Variants in RXFP2 observed in about 807,000 individuals in gnomAD.
RXFP2 encodes the protein relaxin family peptide receptor 2.
In RXFP2, 68 loss-of-function variants were observed where a neutral mutation model predicts 88.6. The observed-to-expected ratio is 0.77, with a 90% CI of 0.63 to 0.94. The LOEUF (loss-of-function observed/expected upper bound fraction) is 0.94. RXFP2 is among the 40% of genes least tolerant of loss of function. The pLI, the probability that RXFP2 is intolerant of heterozygous loss-of-function variation, is 0.00. For missense variants in RXFP2, 791 were observed against 893.9 expected, an observed-to-expected ratio of 0.88 and a Z score of 1.47; for synonymous variants, 329 against 306.8, an observed-to-expected ratio of 1.07 and a Z score of -0.76.
intron 3 of RXFP2, among the ~76,000 whole-genome samples, chr13:31,762,929 T>C (rs1425003881): frequency 6.6e-6 from 1 of 152,146 alleles, no homozygotes; most frequent in Non-Finnish European, 1.5e-5. Context: ...ATTTGTTCTA[T>C]ATTTCTTTCA....
chr13:31,797,203 G>A lies in RXFP2; in HGVS notation c.1789G>A (p.Val597Met), dbSNP rs765195091. 1.9e-6 allele frequency: 3 copies of A among 1,608,200 alleles called. No homozygotes were observed. The highest frequency in any genetic ancestry group is 1.7e-5 in the Admixed American group (1 of 60,014). ...TAAAAGTGTGCTTTTCCCAACAGGT[G>A]TGAACTTGCTGGCTTTTCTCATCAT... ...KGYSLGIFLG[V>M]NLLAFLIIVF... The change falls in exon 17 of 18, where the codon GTG becomes ATG. Residue 597 changes from valine (V) to methionine (M), a missense_variant and splice_region_variant. Coordinates refer to ENST00000298386, the MANE Select transcript of RXFP2 (RefSeq NM_130806.5).
At chr13:31,784,480 T>G (rs374549191) in intron 11 of RXFP2, among the ~76,000 whole-genome samples, 2 of 151,662 alleles carry the variant, frequency 1.3e-5, no homozygotes, top group African/African-American at 4.8e-5. Context: ...TCCAAAAGAG[T>G]GTGCTTTATT....
rs1056894797 is a variant in RXFP2 at position 31,739,545 on chromosome 13, A to G, written c.-68A>G. ...ATGCTCAGAACATGGGAGGCACTGA[A>G]CTTACTACATCAGAACTCCTGCTGA... On this transcript the variant is annotated 5_prime_UTR_variant, in exon 1 of 18. Transcript: ENST00000298386. 1.0e-6 allele frequency: 1 copy of G among 985,286 alleles called. No homozygotes were observed. Among genetic ancestry groups the G allele is most frequent in the Non-Finnish European group, 1.6e-6 (1 of 608,768 alleles). 61.0% of individuals were successfully genotyped at this position (985,286 alleles called of 1,614,324 possible). A position where few individuals can be genotyped will look rare whatever the true frequency, so the allele number is the denominator to read the frequency against.
intron 1 of RXFP2, among the ~76,000 whole-genome samples, chr13:31,755,141 G>A (rs1871879704): frequency 6.6e-6 from 1 of 152,162 alleles, no homozygotes; most frequent in Non-Finnish European, 1.5e-5. Flanking sequence ...CTTACCTGAG[G>A]TCACACAGCT....
intron 15 of RXFP2, 57 bp from the exon 16 acceptor site, chr13:31,792,619 GAA>G: frequency 6.5e-7 from 1 of 1,537,368 alleles, no homozygotes. Flanking sequence ...GACTTAATCA[GAA>G]AACTAAAACA....
chr13:31,783,511 G>A (rs1266061608), intron 11 of RXFP2, among the ~76,000 whole-genome samples: 2 of 92,204 alleles, frequency 2.2e-5, no homozygotes, highest in Non-Finnish European at 4.7e-5. Flanking sequence ...AAGGATTGGA[G>A]AAAATAATAA....
At chr13:31,742,193 G>T (rs979601824) in intron 1 of RXFP2, among the ~76,000 whole-genome samples, 3 of 152,128 alleles carry the variant, frequency 2.0e-5, no homozygotes, top group Admixed American at 2.0e-4. Flanking sequence ...GCTGCTACTT[G>T]GCAACTACCA....
At chr13:31,774,377 A>G (rs1872851092) in intron 5 of RXFP2, among the ~76,000 whole-genome samples, 2 of 152,206 alleles carry the variant, frequency 1.3e-5, no homozygotes, top group African/African-American at 4.8e-5. Context: ...TTCCGCAGAC[A>G]CATCACACTG....
intron 11 of RXFP2, among the ~76,000 whole-genome samples, chr13:31,784,786 T>C (rs1873448341): frequency 3.9e-5 from 6 of 152,162 alleles, no homozygotes; most frequent in Admixed American, 3.9e-4. Context: ...TCCTTCCTGG[T>C]AGCCAGGCTT....
At chr13:31,798,090 G>A (rs567325578) in intron 17 of RXFP2, among the ~76,000 whole-genome samples, 7 of 152,266 alleles carry the variant, frequency 4.6e-5, no homozygotes, top group African/African-American at 1.2e-4. Flanking sequence ...TGTTCCAGCC[G>A]ATAGCAGATC....
rs1192364761 is a variant in RXFP2, at chr13:31,797,329, C to T, written c.1915C>T (p.Arg639Cys). 8 of 1,614,014 alleles carry T rather than the reference C, an allele frequency of 5.0e-6. No individual in the cohort carries two copies. The highest frequency in any genetic ancestry group is 6.8e-6 in the Non-Finnish European group (8 of 1,179,952). Residue 639 changes from arginine (R) to cysteine (C), a missense_variant, in exon 17 of 18, where the codon CGT becomes TGT. By Grantham distance (180) the Arg-to-Cys change is radical. Coordinates refer to ENST00000298386, the MANE Select transcript of RXFP2 (RefSeq NM_130806.5). The part of the protein sequence containing the change: ...CFGREVAVAN[R>C]FFFIVFSDAI... Reference sequence around the variant, plus strand: ...TGGAAGAGAGGTGGCTGTTGCAAATCGTTTCTTTTTTATAGTGTTCTCTGA... The same window carrying T: ...TGGAAGAGAGGTGGCTGTTGCAAATTGTTTCTTTTTTATAGTGTTCTCTGA...
chr13:31,778,472 A>AT (rs1593462862), intron 8 of RXFP2, 40 bp from the exon 9 acceptor site: 2 of 1,328,208 alleles, frequency 1.5e-6, no homozygotes, highest in East Asian at 4.6e-5. Flanking sequence ...TAAAAGTGTC[A>AT]TATCATTTTA....
chr13:31,763,898 A>G (rs889997856), intron 3 of RXFP2, among the ~76,000 whole-genome samples: 4 of 152,224 alleles, frequency 2.6e-5, no homozygotes, highest in Non-Finnish European at 4.4e-5. Context: ...TAATTAACAT[A>G]TATGTATAGA....
In RXFP2 at chr13:31,792,653, A is replaced by G. The variant is rs548297451; in HGVS notation, c.1376-25A>G. The G allele has an allele frequency of 1.9e-6, 3 of 1,610,314 alleles. No homozygotes were observed. In the East Asian group the frequency reaches 6.7e-5, roughly 36 times the overall value. Reference sequence around the variant, plus strand: ...AACAGGGACATTGGAAACTGATGACATACACTGTTTCAATTCTTCCACAGG... The same window carrying G: ...AACAGGGACATTGGAAACTGATGACGTACACTGTTTCAATTCTTCCACAGG... On this transcript the variant is annotated intron_variant, in intron 15 of 17. Coordinates refer to ENST00000298386, the MANE Select transcript of RXFP2 (RefSeq NM_130806.5).
intron 9 of RXFP2, among the ~76,000 whole-genome samples, chr13:31,778,988 C>T (rs1485688570): frequency 2.0e-5 from 3 of 152,192 alleles, no homozygotes; most frequent in African/African-American, 7.2e-5. Context: ...TCATTCCTGA[C>T]ACACCAACCA....
intron 2 of RXFP2, among the ~76,000 whole-genome samples, 199 bp from the exon 3 acceptor site, chr13:31,761,525 A>G (rs1872299802): frequency 6.6e-6 from 1 of 152,242 alleles, no homozygotes; most frequent in African/African-American, 2.4e-5. Context: ...TGATACATAC[A>G]TTTGGAGTAT....
intron 8 of RXFP2, among the ~76,000 whole-genome samples, chr13:31,777,672 GA>G (rs1873057584): frequency 6.6e-6 from 1 of 152,106 alleles, no homozygotes; most frequent in Admixed American, 6.6e-5. Flanking sequence ...CCTACTAGTT[GA>G]TTTTTCTATC....
intron 1 of RXFP2, among the ~76,000 whole-genome samples, chr13:31,757,241 C>T (rs1871997462): frequency 6.6e-6 from 1 of 152,150 alleles, no homozygotes; most frequent in African/African-American, 2.4e-5. Flanking sequence ...GATTGATAGT[C>T]TCATAGTGCA....
At chr13:31,758,781 TAA>T (rs1295648613) in intron 2 of RXFP2, among the ~76,000 whole-genome samples, 34 of 152,256 alleles carry the variant, frequency 2.2e-4, no homozygotes, top group Non-Finnish European at 4.3e-4. Flanking sequence ...CTCATGCCTA[TAA>T]CCCCAGCACT....
Sources: allele counts gnomAD v4.1 joint callset (sites outside exome capture counted in the v4.1 genomes callset), GRCh38; gene constraint gnomAD v4.1.1; transcripts MANE v1.5; gene names NCBI Gene and HGNC (gene_info 2026-07-23, HGNC 2026-07-21).